Variants in CCSER2 observed in about 807,000 individuals in gnomAD.
The protein encoded by CCSER2 is serine-rich coiled-coil domain-containing protein 2.
In CCSER2, 46 loss-of-function variants were observed where a neutral mutation model predicts 92.3. The ratio of observed to expected loss-of-function variants is 0.50; its 90% CI spans 0.39 to 0.64. The LOEUF (loss-of-function observed/expected upper bound fraction) is 0.64. CCSER2 is among the 30% of genes least tolerant of loss of function. The pLI is 0.00. For missense variants in CCSER2, 1,244 were observed against 1,238.9 expected, an observed-to-expected ratio of 1.00 and a Z score of -0.06; for synonymous variants, 433 against 431.4, an observed-to-expected ratio of 1.00 and a Z score of -0.04.
intron 9 of CCSER2, among the ~76,000 whole-genome samples, chr10:84,510,931 G>A (rs2131879304): frequency 6.6e-6 from 1 of 152,266 alleles, no homozygotes; most frequent in Middle Eastern, 3.4e-3. Context: ...TTTTACAGTA[G>A]TGGAATTGAT....
intron 9 of CCSER2, among the ~76,000 whole-genome samples, chr10:84,512,735 A>G (rs1849427947): frequency 6.6e-6 from 1 of 152,206 alleles, no homozygotes; most frequent in South Asian, 2.1e-4. Context: ...TGATTATTCT[A>G]AATTTAAGTA....
rs138474737 is a variant in CCSER2 at position 84,433,941 on chromosome 10, A to G, written c.1869-4571A>G. Among the ~76,000 whole-genome samples the G allele has an allele frequency of 1.7e-3, 256 of 152,296 alleles. 1 individual carries two copies. Among genetic ancestry groups the G allele is most frequent in the Middle Eastern group, 0.01 (3 of 294 alleles). Reference sequence around the variant, plus strand: ...TCATATTTACCTGCCTGCCTGGGCTATGATCGGCCACATAAGATCTCACTT... The same window carrying G: ...TCATATTTACCTGCCTGCCTGGGCTGTGATCGGCCACATAAGATCTCACTT... On this transcript the variant is annotated intron_variant, in intron 5 of 9. Coordinates refer to ENST00000372088, the MANE Select transcript of CCSER2 (RefSeq NM_001284240.2).
intron 9 of CCSER2, among the ~76,000 whole-genome samples, chr10:84,491,569 G>A (rs756701314): frequency 2.6e-5 from 4 of 152,124 alleles, no homozygotes; most frequent in Non-Finnish European, 5.9e-5. Flanking sequence ...CTGGTGTGCC[G>A]TTTGCTAAGA....
intron 9 of CCSER2, among the ~76,000 whole-genome samples, chr10:84,509,837 G>A (rs373191800): frequency 1.3e-5 from 2 of 152,138 alleles, no homozygotes; most frequent in East Asian, 1.9e-4. Flanking sequence ...ATCGATTAGC[G>A]GAAAGCCTTC....
intron 3 of CCSER2, among the ~76,000 whole-genome samples, chr10:84,379,292 C>T (rs1343981797): frequency 1.3e-5 from 2 of 152,120 alleles, no homozygotes; most frequent in African/African-American, 4.8e-5. Flanking sequence ...GTCTGCTTTT[C>T]ATTCCTAATA....
chr10:84,370,676 AC>A (rs1846014886), intron 1 of CCSER2, among the ~76,000 whole-genome samples: 1 of 152,078 alleles, frequency 6.6e-6, no homozygotes, highest in Non-Finnish European at 1.5e-5. Flanking sequence ...AGAGACTTTT[AC>A]CCAAAATGAA....
At chr10:84,481,115 T>C (rs1476970522) in intron 9 of CCSER2, among the ~76,000 whole-genome samples, 3 of 152,080 alleles carry the variant, frequency 2.0e-5, no homozygotes, top group East Asian at 3.8e-4. Context: ...TTTGATGTCA[T>C]TAGTTTATTT....
intron 3 of CCSER2, among the ~76,000 whole-genome samples, chr10:84,407,206 A>G (rs1393829074): frequency 6.6e-6 from 1 of 152,188 alleles, no homozygotes; most frequent in African/African-American, 2.4e-5. Context: ...GCACATCAAA[A>G]TAATTGGGCT....
intron 9 of CCSER2, among the ~76,000 whole-genome samples, chr10:84,491,729 T>C (rs1400595211): frequency 6.6e-6 from 1 of 152,132 alleles, no homozygotes; most frequent in Non-Finnish European, 1.5e-5. Flanking sequence ...TCACACTCTG[T>C]GGGCTGCATA....
intron 9 of CCSER2, among the ~76,000 whole-genome samples, chr10:84,483,374 C>G (rs1589782725): frequency 7.4e-6 from 1 of 134,528 alleles, no homozygotes; most frequent in East Asian, 2.1e-4. Context: ...GCCTGGGCAG[C>G]AAGAATGAAA....
chr10:84,474,662 CAAAAAAAAAAAAAA>C (rs397844899), intron 8 of CCSER2, among the ~76,000 whole-genome samples: 5,645 of 65,978 alleles, frequency 0.086, 190 homozygotes, highest in Admixed American at 0.14. Flanking sequence ...GACTCCATCT[CAAAAAAAAAAAAAA>C]AAAAAAAAAA....
chr10:84,487,303 G>A (rs1326560505), intron 9 of CCSER2, among the ~76,000 whole-genome samples: 1 of 152,126 alleles, frequency 6.6e-6, no homozygotes, highest in Admixed American at 6.5e-5. Flanking sequence ...AGCTTGATGG[G>A]GATGGCATTG....
At chr10:84,356,597 C>T (rs897789621) in intron 1 of CCSER2, among the ~76,000 whole-genome samples, 6 of 151,950 alleles carry the variant, frequency 3.9e-5, no homozygotes, top group South Asian at 2.1e-4. Flanking sequence ...AAGTAGGTGT[C>T]GTGGATATGC....
chr10:84,437,861 T>G (rs1844277777), intron 5 of CCSER2, among the ~76,000 whole-genome samples: 1 of 151,978 alleles, frequency 6.6e-6, no homozygotes, highest in Admixed American at 6.6e-5. Flanking sequence ...TACAGGCACG[T>G]GCCACCATGC....
intron 1 of CCSER2, among the ~76,000 whole-genome samples, chr10:84,347,435 C>T (rs1361159141): frequency 3.0e-4 from 45 of 148,320 alleles, no homozygotes; most frequent in African/African-American, 1.0e-3. Flanking sequence ...CCCTCCCGGA[C>T]GGGTCGGCTG....
At chr10:84,494,116 A>G (rs1196035376) in intron 9 of CCSER2, among the ~76,000 whole-genome samples, 2 of 152,110 alleles carry the variant, frequency 1.3e-5, no homozygotes, top group African/African-American at 2.4e-5. Context: ...TGAAGCTTCA[A>G]CTCAACTGGC....
intron 7 of CCSER2, among the ~76,000 whole-genome samples, chr10:84,467,576 C>T (rs1007282975): frequency 6.6e-6 from 1 of 152,110 alleles, no homozygotes; most frequent in African/African-American, 2.4e-5. Context: ...CCCCAACATA[C>T]AGTACTTTGA....
rs1179244571 is a variant in CCSER2, at chr10:84,514,972, C to T, written c.*705C>T. The T allele has an allele frequency of 1.3e-5, 2 of 152,622 alleles. No individual in the cohort carries two copies. Among genetic ancestry groups the T allele is most frequent in the East Asian group, 3.8e-4 (2 of 5,198 alleles). The allele number at this position is 152,622 out of a possible 1,614,324, so 9.5% of individuals were successfully genotyped here. On this transcript the variant is annotated 3_prime_UTR_variant, in exon 10 of 10. Transcript: ENST00000372088. ...TTACAAACACATGTGCATGCACACA[C>T]ACATATACACACACATACCATTTAT...
chr10:84,516,973 G>A lies in CCSER2; in HGVS notation c.*2706G>A, dbSNP rs1263799960. ...TTGTCTGCTTCTTAGTAAATGTTAA[G>A]TCTGAAATGGAAGTGAGGATGTAAC... is the stretch of plus-strand genomic sequence containing the variant. On this transcript the variant is annotated 3_prime_UTR_variant, in exon 10 of 10. Transcript: ENST00000372088. The A allele has an allele frequency of 6.6e-6, 1 of 152,276 alleles. No individual in the cohort carries two copies. The highest frequency in any genetic ancestry group is 1.9e-4 in the East Asian group (1 of 5,186). 9.4% of individuals were successfully genotyped at this position (152,276 alleles called of 1,614,324 possible).
Sources: gnomAD v4.1 joint callset for allele counts (sites outside exome capture counted in the v4.1 genomes callset) on GRCh38, gnomAD v4.1.1 for gene constraint, MANE v1.5 for transcripts, NCBI Gene and HGNC (gene_info 2026-07-23, HGNC 2026-07-21) for gene names.